The following KIF6 variants were observed in gnomAD, a reference collection of about 807,000 sequenced individuals.
KIF6 encodes the protein kinesin family member 6, also known as kinesin-like protein KIF6.
Under a neutral mutation model 112.7 loss-of-function variants are expected in KIF6, and 106 were observed. The ratio of observed to expected loss-of-function variants is 0.94; its 90% confidence interval spans 0.80 to 1.11. KIF6 has a LOEUF of 1.11. KIF6 is among the 50% of genes least tolerant of loss of function. The pLI, the probability that KIF6 is intolerant of heterozygous loss-of-function variation, is 0.00. For synonymous variants in KIF6, 339 were observed against 339.9 expected (o/e 1.00, Z 0.03); for missense variants, 929 against 964.0 (o/e 0.96, Z 0.48).
intron 13 of KIF6, among the ~76,000 whole-genome samples, chr6:39,439,167 A>G (rs1771750563): frequency 1.3e-5 from 2 of 152,232 alleles, no homozygotes; most frequent in African/African-American, 4.8e-5. Flanking sequence ...AGGTATCATT[A>G]TTTCAGTGCT....
chr6:39,637,643 A>T (rs1489207794), intron 4 of KIF6, among the ~76,000 whole-genome samples: 2 of 151,894 alleles, frequency 1.3e-5, no homozygotes, highest in Non-Finnish European at 1.5e-5. Context: ...AGCTCCATGT[A>T]CCTCTCTAAG....
At chr6:39,574,953 A>G (rs1780857851) in intron 10 of KIF6, among the ~76,000 whole-genome samples, 2 of 152,166 alleles carry the variant, frequency 1.3e-5, no homozygotes, top group South Asian at 2.1e-4. Flanking sequence ...AATGACAACA[A>G]CTATATTTTT....
intron 3 of KIF6, among the ~76,000 whole-genome samples, chr6:39,657,944 T>C (rs971789767): frequency 3.3e-5 from 5 of 152,162 alleles, no homozygotes; most frequent in African/African-American, 7.2e-5. Flanking sequence ...TTACAGAACA[T>C]TCTTAGATTC....
chr6:39,528,533 T>A (rs1777866336), intron 13 of KIF6, among the ~76,000 whole-genome samples: 1 of 152,238 alleles, frequency 6.6e-6, no homozygotes, highest in Non-Finnish European at 1.5e-5. Flanking sequence ...TTTCTAGTTT[T>A]TCTAGGAACC....
At chr6:39,690,875 C>T (rs10947832) in intron 3 of KIF6, 43,299 of 152,062 alleles carry the variant, frequency 0.28, 6,765 homozygotes, top group Admixed American at 0.39. Context: ...GTGTCCTCTG[C>T]GTAGTTCAGT....
intron 3 of KIF6, among the ~76,000 whole-genome samples, chr6:39,684,452 C>T (rs1221860878): frequency 6.6e-6 from 1 of 152,006 alleles, no homozygotes; most frequent in Non-Finnish European, 1.5e-5. Context: ...CCTGTCTCTA[C>T]TAAAAATACA....
chr6:39,499,914 C>T (rs780467803), intron 13 of KIF6, among the ~76,000 whole-genome samples: 1 of 152,144 alleles, frequency 6.6e-6, no homozygotes, highest in African/African-American at 2.4e-5. Flanking sequence ...AGTAACTGCT[C>T]AACAGAGGAA....
intron 13 of KIF6, among the ~76,000 whole-genome samples, chr6:39,463,325 G>C (rs1773590296): frequency 1.3e-5 from 2 of 152,086 alleles, no homozygotes; most frequent in South Asian, 4.1e-4. Flanking sequence ...TCTGCCTCCA[G>C]CCTCATCAAT....
At chr6:39,681,381 GTTCATGTATATT>G (rs1787499830) in intron 3 of KIF6, among the ~76,000 whole-genome samples, 2 of 151,850 alleles carry the variant, frequency 1.3e-5, no homozygotes, top group South Asian at 2.1e-4. Context: ...TCTGGCCCTT[GTTCATGTATATT>G]TTCATGTATA....
chr6:39,598,789 AG>A (rs1782427759), intron 6 of KIF6, among the ~76,000 whole-genome samples: 1 of 152,180 alleles, frequency 6.6e-6, no homozygotes, highest in African/African-American at 2.4e-5. Context: ...GTTAAAATAA[AG>A]CAACTTGGGA....
At chr6:39,369,674 G>A (rs948860354) in intron 16 of KIF6, among the ~76,000 whole-genome samples, 4 of 152,188 alleles carry the variant, frequency 2.6e-5, no homozygotes, top group African/African-American at 9.7e-5. Context: ...GGAGGAGGCA[G>A]ACTGTAAAGT....
chr6:39,405,281 T>C (rs975377074), intron 15 of KIF6, among the ~76,000 whole-genome samples: 1 of 152,162 alleles, frequency 6.6e-6, no homozygotes, highest in Non-Finnish European at 1.5e-5. Flanking sequence ...GTCAACAACT[T>C]TGTCTTGCTG....
intron 3 of KIF6, among the ~76,000 whole-genome samples, chr6:39,694,118 T>G (rs1304978645): frequency 1.2e-5 from 1 of 85,748 alleles, no homozygotes; most frequent in Non-Finnish European, 2.7e-5. Context: ...CCAACATCCC[T>G]TCATGGTAAA....
At chr6:39,694,626 C>G (rs1352280211) in intron 3 of KIF6, among the ~76,000 whole-genome samples, 2 of 152,084 alleles carry the variant, frequency 1.3e-5, no homozygotes. Context: ...GGTAAGATCT[C>G]TACAAGAAGA....
intron 3 of KIF6, among the ~76,000 whole-genome samples, chr6:39,662,193 A>T (rs778862648): frequency 2.6e-5 from 4 of 152,212 alleles, no homozygotes; most frequent in Non-Finnish European, 4.4e-5. Flanking sequence ...TGGTGTAAGT[A>T]CATTTGATTC....
chr6:39,639,924 A>G lies in KIF6; in HGVS notation c.252-167T>C, dbSNP rs141706824. Among the ~76,000 whole-genome samples, 1,167 of 152,280 alleles carry G rather than the reference A, an allele frequency of 7.7e-3. 19 individuals are homozygous for G. The highest frequency in any genetic ancestry group is 0.027 in the African/African-American group (1,111 of 41,556). On this transcript the variant is annotated intron_variant, in intron 3 of 22. Transcript: ENST00000287152. ...ATATCTAGCTAGAATTTACATTTTT[A>G]TCTAGGAACAGCAGCACATCAATCC...
At chr6:39,469,888 G>A (rs1774016524) in intron 13 of KIF6, among the ~76,000 whole-genome samples, 1 of 152,140 alleles carries the variant, frequency 6.6e-6, no homozygotes, top group South Asian at 2.1e-4. Context: ...ATTCAACAAT[G>A]GGTAGAACTA....
At chr6:39,609,771 G>A (rs921258216) in intron 6 of KIF6, among the ~76,000 whole-genome samples, 1 of 152,170 alleles carries the variant, frequency 6.6e-6, no homozygotes, top group African/African-American at 2.4e-5. Context: ...GCCTCTGGGA[G>A]TGGGTTTCAA....
intron 5 of KIF6, among the ~76,000 whole-genome samples, chr6:39,623,533 G>C (rs1229411251): frequency 6.6e-6 from 1 of 152,124 alleles, no homozygotes; most frequent in Non-Finnish European, 1.5e-5. Flanking sequence ...TATTGTAAAA[G>C]AGATCTATTT....
Sources: gnomAD v4.1 joint callset for allele counts (sites outside exome capture counted in the v4.1 genomes callset) on GRCh38, gnomAD v4.1.1 for gene constraint, MANE v1.5 for transcripts, NCBI Gene and HGNC (gene_info 2026-07-23, HGNC 2026-07-21) for gene names.